The following SLC8A1 variants were observed in gnomAD, a reference collection of about 807,000 sequenced individuals.
The protein encoded by SLC8A1 is solute carrier family 8 member A1.
SLC8A1 carries 18 observed loss-of-function variants against 68.3 expected under a neutral mutation model. The ratio of observed to expected loss-of-function variants is 0.26; its 90% CI spans 0.18 to 0.39. SLC8A1 has a LOEUF of 0.39. Among genes scored for constraint, SLC8A1 ranks in the 10% least tolerant of loss-of-function variants. The pLI, the probability that SLC8A1 is intolerant of heterozygous loss-of-function variation, is 1.00. For synonymous variants in SLC8A1, 475 were observed against 415.5 expected (o/e 1.14, Z -1.74); for missense variants, 985 against 1,156.7 (o/e 0.85, Z 2.15).
rs183641486 is a variant in SLC8A1, at chr2:40,412,965, A to G, written c.1808+15508T>C. On this transcript the variant is annotated intron_variant, in intron 2 of 7. Transcript: ENST00000406785. ...TGTGCACAACGTGCAGGTTTGTTAC[A>G]TATGTATACATGTGCCATGTTGGTG... Among the ~76,000 whole-genome samples the G allele has an allele frequency of 4.8e-3, 736 of 152,234 alleles. 1 individual carries two copies. The highest frequency in any genetic ancestry group is 8.5e-3 in the Non-Finnish European group (579 of 68,004).
intron 2 of SLC8A1, among the ~76,000 whole-genome samples, chr2:40,181,494 GATGGAATTTGCA>G (rs2049555894): frequency 6.6e-6 from 1 of 152,172 alleles, no homozygotes; most frequent in Non-Finnish European, 1.5e-5. Context: ...ATCTAAAACA[GATGGAATTTGCA>G]TAATGGCATA....
intron 2 of SLC8A1, among the ~76,000 whole-genome samples, chr2:40,281,546 G>A (rs1208582854): frequency 1.3e-5 from 2 of 152,142 alleles, no homozygotes; most frequent in African/African-American, 2.4e-5. Context: ...ACTTGCACTC[G>A]TGAAAGTTAT....
chr2:40,444,926 G>A (rs1201905222), intron 1 of SLC8A1, among the ~76,000 whole-genome samples: 1 of 152,088 alleles, frequency 6.6e-6, no homozygotes, highest in Non-Finnish European at 1.5e-5. Flanking sequence ...ATGCCATTTT[G>A]CGTGTACTTA....
At chr2:40,442,397 C>CAAAAAAAAAAAAAAAAAAAAA (rs550977492) in intron 1 of SLC8A1, among the ~76,000 whole-genome samples, 1 of 75,744 alleles carries the variant, frequency 1.3e-5, no homozygotes, top group Non-Finnish European at 2.7e-5. Context: ...CTTAAATTTA[C>CAAAAAAAAAAAAAAAAAAAAA]AAAAAAAAAA....
chr2:40,417,171 T>G (rs1694126411), intron 2 of SLC8A1, among the ~76,000 whole-genome samples: 1 of 152,172 alleles, frequency 6.6e-6, no homozygotes, highest in Non-Finnish European at 1.5e-5. Context: ...TTTTTTTATG[T>G]AACTTTTCTT....
At chr2:40,472,342 A>G (rs537798716) in intron 1 of SLC8A1, among the ~76,000 whole-genome samples, 74 of 152,282 alleles carry the variant, frequency 4.9e-4, no homozygotes, top group Non-Finnish European at 7.9e-4. Flanking sequence ...TCCTTACTCC[A>G]GGGAGTTGGA....
intron 2 of SLC8A1, among the ~76,000 whole-genome samples, chr2:40,427,176 C>T (rs1576403069): frequency 6.6e-6 from 1 of 152,044 alleles, no homozygotes; most frequent in Non-Finnish European, 1.5e-5. Context: ...GTACTCGACA[C>T]TACTTATCAC....
At chr2:40,413,496 A>ATAGATCAT (rs1280588387) in intron 2 of SLC8A1, among the ~76,000 whole-genome samples, 2 of 152,194 alleles carry the variant, frequency 1.3e-5, no homozygotes, top group Non-Finnish European at 2.9e-5. Context: ...TTTTAAAATG[A>ATAGATCAT]TCTATTTAAG....
intron 1 of SLC8A1, among the ~76,000 whole-genome samples, chr2:40,468,363 T>C (rs1463892966): frequency 6.6e-6 from 1 of 152,180 alleles, no homozygotes; most frequent in East Asian, 1.9e-4. Context: ...ACAGACTTTG[T>C]CCATTTAAAC....
chr2:40,306,579 T>C (rs2072654202), intron 2 of SLC8A1, among the ~76,000 whole-genome samples: 1 of 152,204 alleles, frequency 6.6e-6, no homozygotes, highest in South Asian at 2.1e-4. Context: ...CTTGGAAATA[T>C]ATACCAACTG....
intron 2 of SLC8A1, among the ~76,000 whole-genome samples, chr2:40,276,934 G>C (rs1051347031): frequency 6.6e-6 from 1 of 152,146 alleles, no homozygotes; most frequent in Admixed American, 6.5e-5. Flanking sequence ...ACTTAGAAAG[G>C]CTTGAGTCGA....
rs148346695 is a variant in SLC8A1, at chr2:40,370,701, G to A, written c.1808+57772C>T. Among the ~76,000 whole-genome samples, 492 of 152,122 alleles carry A rather than the reference G, an allele frequency of 3.2e-3. 4 individuals carry two copies. Among genetic ancestry groups the A allele is most frequent in the South Asian group, 0.016 (77 of 4,830 alleles). On this transcript the variant is annotated intron_variant, in intron 2 of 7. Transcript: ENST00000406785. ...CAAAAAAGCAAAGAAAGCCTCTACT[G>A]TATTCTTGAGTCAGTATCTCATGAA...
At chr2:40,413,693 T>C (rs1692913100) in intron 2 of SLC8A1, among the ~76,000 whole-genome samples, 1 of 152,182 alleles carries the variant, frequency 6.6e-6, no homozygotes, top group African/African-American at 2.4e-5. Context: ...CTGCACAGCA[T>C]GATACAAATT....
chr2:40,110,071 T>G (rs1012368563), exon 8 of SLC8A1: 2 of 152,144 alleles, frequency 1.3e-5, no homozygotes, highest in African/African-American at 4.8e-5. Flanking sequence ...CTGAGTACAT[T>G]TGGACATCTT....
At chr2:40,482,507 T>C (rs957756176) in intron 1 of SLC8A1, among the ~76,000 whole-genome samples, 2 of 152,162 alleles carry the variant, frequency 1.3e-5, no homozygotes, top group Non-Finnish European at 2.9e-5. Context: ...AAGCATAAGC[T>C]TCATATTATA....
intron 2 of SLC8A1, among the ~76,000 whole-genome samples, chr2:40,284,643 TATATAA>T (rs149424286): frequency 0.077 from 10,608 of 137,114 alleles, 1,275 homozygotes; most frequent in African/African-American, 0.25. Context: ...GGGAAAAACA[TATATAA>T]ATATAAATAT....
chr2:40,454,980 G>T (rs1186268305), upstream of SLC8A1, among the ~76,000 whole-genome samples: 1 of 152,178 alleles, frequency 6.6e-6, no homozygotes, highest in African/African-American at 2.4e-5. Flanking sequence ...TTTCTTAATT[G>T]CAGTCTTCCA....
At chr2:40,411,481 A>G (rs1692115538) in intron 2 of SLC8A1, among the ~76,000 whole-genome samples, 2 of 152,024 alleles carry the variant, frequency 1.3e-5, no homozygotes, top group Admixed American at 1.3e-4. Context: ...ATTTATTCCA[A>G]TTTGAGAATT....
intron 2 of SLC8A1, chr2:40,178,428 T>A: frequency 3.1e-6 from 5 of 1,613,980 alleles, no homozygotes; most frequent in Non-Finnish European, 4.2e-6. Flanking sequence ...CTCTCCAATC[T>A]CAAGGAAGAA....
Sources: allele counts gnomAD v4.1 joint callset (sites outside exome capture counted in the v4.1 genomes callset), GRCh38; gene constraint gnomAD v4.1.1; transcripts MANE v1.5; gene names NCBI Gene and HGNC (gene_info 2026-07-23, HGNC 2026-07-21).